PRRC2C: variants seen among roughly 807,000 people sequenced by gnomAD.
The protein encoded by PRRC2C is protein PRRC2C.
PRRC2C carries 72 observed loss-of-function variants against 317.2 expected under a neutral mutation model. That is an observed-to-expected ratio of 0.23 (90% CI 0.19 to 0.28). The LOEUF (loss-of-function observed/expected upper bound fraction) is 0.28, where lower values mean the gene tolerates loss of function less well. Ranked by LOEUF, PRRC2C falls within the 10% of genes least tolerant of loss-of-function variation. PRRC2C has a pLI of 1.00. For synonymous variants in PRRC2C, 1,296 were observed against 1,205.9 expected, an observed-to-expected ratio of 1.07 and a Z score of -1.55; for missense variants, 3,074 against 3,459.7, an observed-to-expected ratio of 0.89 and a Z score of 2.80.
chr1:171,585,121 CT>C (rs1558054387), intron 30 of PRRC2C, among the ~76,000 whole-genome samples: 1 of 151,900 alleles, frequency 6.6e-6, no homozygotes, highest in African/African-American at 2.4e-5. Flanking sequence ...GAAAAAACAA[CT>C]TAGGTTTCCG....
In PRRC2C at chr1:171,515,719, TAAAAAAA is replaced by T; in HGVS notation, c.401-14_401-8del. On this transcript the variant is annotated splice_polypyrimidine_tract_variant and splice_region_variant and intron_variant, in intron 4 of 34. Coordinates refer to ENST00000647382, the MANE Select transcript of PRRC2C (RefSeq NM_001387844.1). ...ATAAAAGTTACCTTTAATGTTTTTTTAAAAAAATCTATAGGAATCCAAGTGAATAGTC... is the reference window on the plus strand; with the variant it reads ...ATAAAAGTTACCTTTAATGTTTTTTTTCTATAGGAATCCAAGTGAATAGTC... The T allele has an allele frequency of 6.4e-7, 1 of 1,570,160 alleles. No homozygotes were observed. The highest frequency in any genetic ancestry group is 8.6e-7 in the Non-Finnish European group (1 of 1,159,064).
intron 2 of PRRC2C, 83 bp downstream of exon 2, chr1:171,512,283 G>A (rs756997970): frequency 1.5e-5 from 15 of 980,242 alleles, no homozygotes; most frequent in Admixed American, 1.0e-4. Context: ...TGAGAAGCTA[G>A]GATGTACCCA....
rs1274256233 is a variant in PRRC2C, at chr1:171,585,197, A to G, written c.7749+671A>G. Reference sequence around the variant, plus strand: ...TATAAAACCTTGAAAACCATTGTCCAGAATATAGTTACATTAAGTGTGATA... The same window carrying G: ...TATAAAACCTTGAAAACCATTGTCCGGAATATAGTTACATTAAGTGTGATA... On this transcript the variant is annotated intron_variant, in intron 30 of 34. Transcript: ENST00000647382. Among the ~76,000 whole-genome samples, 3 of 152,208 alleles carry G rather than the reference A, an allele frequency of 2.0e-5. No homozygotes were observed. The East Asian group carries it at 5.8e-4, about 29-fold the overall frequency.
intron 7 of PRRC2C, chr1:171,522,545 G>T (rs867697437): frequency 5.5e-6 from 1 of 183,364 alleles, no homozygotes; most frequent in Admixed American, 6.0e-5. Context: ...CGAGGTGGGC[G>T]ATTCGCCTGA....
chr1:171,507,943 A>G (rs1248059504), intron 1 of PRRC2C, among the ~76,000 whole-genome samples: 1 of 151,944 alleles, frequency 6.6e-6, no homozygotes, highest in Non-Finnish European at 1.5e-5. Context: ...TTTCCTTTTC[A>G]TCTAGGTTGT....
chr1:171,584,652 A>G, intron 30 of PRRC2C, 126 bp downstream of exon 30: 2 of 1,140,968 alleles, frequency 1.8e-6, no homozygotes, highest in Admixed American at 2.9e-5. Context: ...CTGTTCACTG[A>G]GATGTCCTGA....
At chr1:171,521,774 A>G (rs1673622669) in intron 6 of PRRC2C, among the ~76,000 whole-genome samples, 1 of 152,202 alleles carries the variant, frequency 6.6e-6, no homozygotes, top group Non-Finnish European at 1.5e-5. Flanking sequence ...GCTAGGGTGC[A>G]TGTGTGTACA....
At chr1:171,546,488 AT>A (rs985837818) in intron 17 of PRRC2C, among the ~76,000 whole-genome samples, 2 of 152,234 alleles carry the variant, frequency 1.3e-5, no homozygotes, top group African/African-American at 4.8e-5. Flanking sequence ...TTAAGCTCTG[AT>A]TTGAGCACAG....
rs562578294 is a variant in PRRC2C, at chr1:171,568,104, G to A, written c.6559-143G>A. The A allele has an allele frequency of 1.4e-5, 17 of 1,233,190 alleles. No individual in the cohort carries two copies. The Admixed American group carries it at 4.3e-4, about 31-fold the overall frequency. 76.4% of individuals were successfully genotyped at this position (1,233,190 alleles called of 1,614,324 possible). A position where few individuals can be genotyped will look rare whatever the true frequency, so the allele number is the denominator to read the frequency against. ...AGTGACTCAGGCACAAGAATCACTTGAGCCTGGAAGGCAGAGGTTGCAGTG... is the reference window on the plus strand; with the variant it reads ...AGTGACTCAGGCACAAGAATCACTTAAGCCTGGAAGGCAGAGGTTGCAGTG... On this transcript the variant is annotated intron_variant, in intron 22 of 34. Coordinates refer to ENST00000647382, the MANE Select transcript of PRRC2C (RefSeq NM_001387844.1).
At chr1:171,494,188 A>T (rs1667699014) in intron 1 of PRRC2C, among the ~76,000 whole-genome samples, 4 of 152,238 alleles carry the variant, frequency 2.6e-5, no homozygotes, top group Admixed American at 2.6e-4. Flanking sequence ...GTACTTTTTA[A>T]GGACAGCAGT....
chr1:171,513,244 T>C lies in PRRC2C; in HGVS notation c.290+72T>C, dbSNP rs1236650177. On this transcript the variant is annotated intron_variant, in intron 3 of 34. Transcript: ENST00000647382. ...AGGGAACTTATGTTTGAGTACCTGC[T>C]ATTTGCTAAGTGTTATGCTGTCTGT... 4.9e-6 allele frequency: 7 copies of C among 1,419,044 alleles called. No homozygotes were observed. The South Asian group carries it at 8.1e-5, about 16-fold the overall frequency. The allele number at this position is 1,419,044 out of a possible 1,614,324, so 87.9% of individuals were successfully genotyped here.
At chr1:171,511,183 C>T (rs1671308679) in intron 1 of PRRC2C, 1 of 134,700 alleles carries the variant, frequency 7.4e-6, no homozygotes, top group Non-Finnish European at 1.6e-5. Context: ...CCTACTGCTA[C>T]AATAACCCCT....
At chr1:171,530,175 A>G (rs1675504613) in intron 11 of PRRC2C, among the ~76,000 whole-genome samples, 1 of 152,052 alleles carries the variant, frequency 6.6e-6, no homozygotes, top group African/African-American at 2.4e-5. Context: ...AACATTTCCC[A>G]AAGAATGCAA....
intron 20 of PRRC2C, among the ~76,000 whole-genome samples, chr1:171,563,207 C>T (rs1359778413): frequency 6.6e-6 from 1 of 152,082 alleles, no homozygotes; most frequent in Non-Finnish European, 1.5e-5. Context: ...TTGGTTCTCA[C>T]CACCATAGAA....
At chr1:171,489,557 T>C (rs1666737898) in intron 1 of PRRC2C, among the ~76,000 whole-genome samples, 1 of 152,254 alleles carries the variant, frequency 6.6e-6, no homozygotes, top group Non-Finnish European at 1.5e-5. Context: ...AGTGAAGCTG[T>C]GATGTCTAAG....
chr1:171,582,857 T>TTA (rs1553247639), intron 28 of PRRC2C, among the ~76,000 whole-genome samples: 6 of 147,948 alleles, frequency 4.1e-5, no homozygotes, highest in Non-Finnish European at 8.9e-5. Context: ...CTAAATTTGT[T>TTA]AAAAAAAAAA....
chr1:171,490,505 T>C (rs1666932410), intron 1 of PRRC2C, among the ~76,000 whole-genome samples: 1 of 152,226 alleles, frequency 6.6e-6, no homozygotes, highest in Middle Eastern at 3.2e-3. Flanking sequence ...AACTACATAC[T>C]TGAGACAACC....
At chr1:171,539,923 G>C (rs750103306) in intron 15 of PRRC2C, 48 bp from the exon 16 acceptor site, 5 of 1,465,884 alleles carry the variant, frequency 3.4e-6, no homozygotes, top group Non-Finnish European at 2.8e-6. Flanking sequence ...ACTTACGCAT[G>C]GGAAAGATTG....
intron 1 of PRRC2C, among the ~76,000 whole-genome samples, chr1:171,505,208 A>C (rs904026960): frequency 6.6e-6 from 1 of 151,780 alleles, no homozygotes; most frequent in Non-Finnish European, 1.5e-5. Context: ...TTGTATTTTT[A>C]GTAGAGACAG....
Sources: allele counts gnomAD v4.1 joint callset (sites outside exome capture counted in the v4.1 genomes callset), GRCh38; gene constraint gnomAD v4.1.1; transcripts MANE v1.5; gene names NCBI Gene and HGNC (gene_info 2026-07-23, HGNC 2026-07-21).